SEMA3D: variants seen among roughly 807,000 people sequenced by gnomAD.
The protein encoded by SEMA3D is semaphorin-3D.
Under a neutral mutation model 100.1 loss-of-function variants are expected in SEMA3D, and 84 were observed. That is an observed-to-expected ratio of 0.84 (90% confidence interval 0.70 to 1.01). The LOEUF (loss-of-function observed/expected upper bound fraction) is 1.01, where lower values mean the gene tolerates loss of function less well. SEMA3D is among the 50% of genes least tolerant of loss of function. The pLI is 0.00. For missense variants in SEMA3D, 875 were observed against 934.1 expected, an observed-to-expected ratio of 0.94 and a Z score of 0.82; for synonymous variants, 312 against 320.7, an observed-to-expected ratio of 0.97 and a Z score of 0.29.
chr7:85,091,626 C>T (rs1188266299), intron 4 of SEMA3D, among the ~76,000 whole-genome samples: 2 of 151,948 alleles, frequency 1.3e-5, no homozygotes, highest in Non-Finnish European at 2.9e-5. Flanking sequence ...TTAAGGCTGG[C>T]TGAAGTAGAG....
intron 11 of SEMA3D, among the ~76,000 whole-genome samples, chr7:85,039,957 T>C (rs895471741): frequency 2.1e-4 from 31 of 150,412 alleles, no homozygotes; most frequent in Non-Finnish European, 8.9e-5. Flanking sequence ...ATGATTAATA[T>C]ATACGCAAAC....
intron 1 of SEMA3D, among the ~76,000 whole-genome samples, chr7:85,159,056 CCCA>C (rs1790674918): frequency 6.6e-6 from 1 of 152,034 alleles, no homozygotes; most frequent in Non-Finnish European, 1.5e-5. Context: ...ACTGGTGGGA[CCCA>C]ACACCTTTAG....
rs1562777243 is a variant in SEMA3D, at chr7:84,999,707, C to T, written c.2067G>A (p.Met689Ile). The stretch of plus-strand genomic sequence containing the variant: ...CATGCTCTGCCCTCTGGGTATTTTC[C>T]ATCTGTTCATTCTCAATGACATTCA... ...LTLNVIENEQ[M>I]ENTQRAEHEE... is the part of the protein sequence containing the mutation. Residue 689 changes from methionine to isoleucine, a missense_variant, in exon 19 of 19, where the codon ATG (methionine) becomes ATA (isoleucine). Transcript: ENST00000284136. The T allele has an allele frequency of 5.0e-6, 8 of 1,614,052 alleles. No individual in the cohort carries two copies. The highest frequency in any genetic ancestry group is 6.8e-6 in the Non-Finnish European group (8 of 1,180,018).
chr7:85,038,152 C>T lies in SEMA3D; in HGVS notation c.1047-1119G>A, dbSNP rs150184678. Among the ~76,000 whole-genome samples, 737 of 152,118 alleles carry T rather than the reference C, an allele frequency of 4.8e-3. 9 individuals carry two copies. Among genetic ancestry groups the T allele is most frequent in the African/African-American group, 0.017 (685 of 41,492 alleles). On this transcript the variant is annotated intron_variant, in intron 11 of 18. Coordinates refer to ENST00000284136, the MANE Select transcript of SEMA3D (RefSeq NM_001384900.1). ...ACATGGCACATGTATACGTATGTAA[C>T]TAACCTGCACGTTGTGCACATGTAC...
At chr7:85,011,097 G>A (rs1789939311) in intron 17 of SEMA3D, among the ~76,000 whole-genome samples, 1 of 151,814 alleles carries the variant, frequency 6.6e-6, no homozygotes, top group Admixed American at 6.6e-5. Context: ...TTTTGCTGTT[G>A]TAAATACTCC....
chr7:85,069,010 A>T (rs988223086), intron 6 of SEMA3D, among the ~76,000 whole-genome samples: 5 of 152,150 alleles, frequency 3.3e-5, no homozygotes, highest in Admixed American at 6.5e-5. Flanking sequence ...AAGAAAAAAT[A>T]TGAATGTATA....
At chr7:85,178,084 T>A (rs937153101) in intron 1 of SEMA3D, among the ~76,000 whole-genome samples, 3 of 152,148 alleles carry the variant, frequency 2.0e-5, no homozygotes, top group Admixed American at 1.3e-4. Flanking sequence ...GAAGGACAGG[T>A]TTGCTTCCCC....
the SEMA3D span, among the ~76,000 whole-genome samples, chr7:85,206,159 C>A: frequency 6.7e-3 from 1,024 of 152,148 alleles, 16 homozygotes; most frequent in African/African-American, 0.024. Flanking sequence ...CTTCTTCCAC[C>A]CTAACTTATG....
intron 4 of SEMA3D, among the ~76,000 whole-genome samples, chr7:85,092,210 G>GT (rs1788415005): frequency 6.6e-6 from 1 of 151,894 alleles, no homozygotes; most frequent in African/African-American, 2.4e-5. Flanking sequence ...TCCTCTCTCT[G>GT]TATTTCTACC....
At chr7:85,177,507 A>T (rs1156248488) in intron 1 of SEMA3D, among the ~76,000 whole-genome samples, 1 of 152,184 alleles carries the variant, frequency 6.6e-6, no homozygotes, top group Non-Finnish European at 1.5e-5. Context: ...ATCATCTGGA[A>T]TTGAAAACAT....
At chr7:85,207,307 A>G in the SEMA3D span, among the ~76,000 whole-genome samples, 7 of 152,226 alleles carry the variant, frequency 4.6e-5, no homozygotes, top group East Asian at 7.7e-4. Flanking sequence ...TTTATGCAAG[A>G]TGTTTCAATG....
chr7:85,100,112 A>G (rs1009849019), intron 3 of SEMA3D, among the ~76,000 whole-genome samples: 5 of 151,968 alleles, frequency 3.3e-5, no homozygotes, highest in African/African-American at 1.2e-4. Context: ...TCTGAAAGAG[A>G]TATGACCCTG....
chr7:85,189,522 T>G (rs1241189536), upstream of SEMA3D, among the ~76,000 whole-genome samples: 5 of 152,202 alleles, frequency 3.3e-5, no homozygotes, highest in Non-Finnish European at 5.9e-5. Context: ...AGGTGTATTG[T>G]GCAGTTTAGT....
chr7:85,023,967 C>A, intron 12 of SEMA3D, among the ~76,000 whole-genome samples: 1 of 151,734 alleles, frequency 6.6e-6, no homozygotes, highest in East Asian at 1.9e-4. Flanking sequence ...AGGTCTGTAC[C>A]AGAGAGATTA....
At chr7:85,104,720 C>T (rs559210554) in intron 3 of SEMA3D, among the ~76,000 whole-genome samples, 104 of 151,500 alleles carry the variant, frequency 6.9e-4, no homozygotes, top group Non-Finnish European at 1.4e-3. Context: ...GCATTTATTG[C>T]CAGAGATCCC....
At chr7:85,020,147 G>A (rs188257903) in intron 14 of SEMA3D, 86 bp downstream of exon 14, 61 of 830,174 alleles carry the variant, frequency 7.3e-5, no homozygotes, top group African/African-American at 6.9e-4. Flanking sequence ...CAGGTAACCT[G>A]ATGATGTATT....
At chr7:85,002,059 C>A (rs1789669829) in intron 18 of SEMA3D, among the ~76,000 whole-genome samples, 1 of 152,038 alleles carries the variant, frequency 6.6e-6, no homozygotes, top group Admixed American at 6.6e-5. Flanking sequence ...TTGTGTAACA[C>A]TTCATCATTA....
At chr7:85,008,113 A>C (rs1167516644) in intron 17 of SEMA3D, among the ~76,000 whole-genome samples, 1 of 151,824 alleles carries the variant, frequency 6.6e-6, no homozygotes, top group African/African-American at 2.4e-5. Flanking sequence ...TAATGCACAG[A>C]AAGATCACTG....
At chr7:85,075,653 A>G (rs778019998) in intron 5 of SEMA3D, among the ~76,000 whole-genome samples, 8 of 152,312 alleles carry the variant, frequency 5.3e-5, no homozygotes, top group East Asian at 3.9e-4. Context: ...CACAGTTTAC[A>G]AAAATGTCAG....
Sources: gnomAD v4.1 joint callset for allele counts (sites outside exome capture counted in the v4.1 genomes callset) on GRCh38, gnomAD v4.1.1 for gene constraint, MANE v1.5 for transcripts, NCBI Gene and HGNC (gene_info 2026-07-23, HGNC 2026-07-21) for gene names.